Variants in SLC18A1 observed in about 807,000 individuals in gnomAD.
SLC18A1 encodes the protein chromaffin granule amine transporter.
SLC18A1 carries 69 observed loss-of-function variants against 53.7 expected under a neutral mutation model. The ratio of observed to expected loss-of-function variants is 1.28; its 90% CI spans 1.06 to 1.57. The LOEUF (loss-of-function observed/expected upper bound fraction) is 1.57. Among genes scored for constraint, SLC18A1 ranks in the 40% most tolerant of loss-of-function variants. The pLI is 0.00. For synonymous variants in SLC18A1, 320 were observed against 248.1 expected (o/e 1.29, Z -2.72); for missense variants, 932 against 668.1 (o/e 1.40, Z -4.35).
At chr8:20,158,447 G>A (rs2071735678) in intron 10 of SLC18A1, among the ~76,000 whole-genome samples, 2 of 152,138 alleles carry the variant, frequency 1.3e-5, no homozygotes, top group African/African-American at 4.8e-5. Context: ...CCCTGCTTGA[G>A]GAGGGAATTA....
At chr8:20,155,091 C>G (rs1176877298) in intron 10 of SLC18A1, among the ~76,000 whole-genome samples, 1 of 152,128 alleles carries the variant, frequency 6.6e-6, no homozygotes, top group Non-Finnish European at 1.5e-5. Context: ...CACCACATGG[C>G]CCAAGGTTCC....
rs1451304537 is a variant in SLC18A1, at chr8:20,147,665, G to T, written c.1268C>A (p.Thr423Asn). 3 of 1,614,018 alleles carry T rather than the reference G, an allele frequency of 1.9e-6. No individual in the cohort carries two copies. Among genetic ancestry groups the T allele is most frequent in the Admixed American group, 3.3e-5 (2 of 60,002 alleles). ...IMGHLVDLRHTSVYGSVYAIA... is the reference protein window; with the variant it reads ...IMGHLVDLRHNSVYGSVYAIA... ...GGCGTAGACACTCCCATACACCGAG[G>T]TGTGGCGTAGATCCACCAGGTGCCC... Residue 423 changes from threonine (T) to asparagine (N), a missense_variant, in exon 14 of 16, where the codon ACC becomes AAC. Transcript: ENST00000276373.
At chr8:20,160,760 C>T (rs1002060649) in intron 10 of SLC18A1, among the ~76,000 whole-genome samples, 2 of 152,110 alleles carry the variant, frequency 1.3e-5, no homozygotes, top group Non-Finnish European at 2.9e-5. Context: ...GTATTTGGAT[C>T]ACAATGCTGG....
rs1459536577 is a variant in SLC18A1 at position 20,171,433 on chromosome 8, G to A, written c.786C>T (p.Ile262=). The A allele has an allele frequency of 3.1e-6, 5 of 1,614,014 alleles. No homozygotes were observed. Among genetic ancestry groups the A allele is most frequent in the African/African-American group, 1.3e-5 (1 of 74,908 alleles). ...CATCCAGTAGTGCCAGGAAGGCCAG[G>A]ATGAGGAAGGGTGCAGACTTCCCAA... ...EFVGKSAPFL[I]LAFLALLDGA... The change falls in exon 7 of 16, where the codon ATC becomes ATT. Residue 262 remains isoleucine (I), a synonymous_variant. Transcript: ENST00000276373.
intron 10 of SLC18A1, among the ~76,000 whole-genome samples, chr8:20,155,036 C>T (rs1275164760): frequency 1.3e-5 from 2 of 152,168 alleles, no homozygotes; most frequent in African/African-American, 4.8e-5. Context: ...CTGCATTCCA[C>T]GGTTCTCTTC....
chr8:20,158,797 C>G (rs113263278), intron 10 of SLC18A1, among the ~76,000 whole-genome samples: 50,783 of 151,992 alleles, frequency 0.33, 10,355 homozygotes, highest in Non-Finnish European at 0.45. Flanking sequence ...CCAGAGGAAG[C>G]AGAGTGACTC....
At chr8:20,166,539 G>T (rs376551459) in intron 8 of SLC18A1, among the ~76,000 whole-genome samples, 122 of 151,594 alleles carry the variant, frequency 8.0e-4, no homozygotes, top group South Asian at 3.8e-3. Flanking sequence ...AAACCAGAAG[G>T]CATTAAAATT....
chr8:20,174,768 T>C (rs1486938632), intron 4 of SLC18A1, among the ~76,000 whole-genome samples: 1 of 152,156 alleles, frequency 6.6e-6, no homozygotes, highest in Non-Finnish European at 1.5e-5. Context: ...AAGCTCAGTG[T>C]CCTAGGCTGG....
chr8:20,178,521 T>A, intron 3 of SLC18A1, 28 bp from the exon 4 acceptor site: 2 of 1,548,368 alleles, frequency 1.3e-6, no homozygotes, highest in Non-Finnish European at 1.8e-6. Context: ...AAAAAAAAGA[T>A]ACAATTCCAA....
chr8:20,181,008 G>A lies in SLC18A1; in HGVS notation c.-44C>T, dbSNP rs1208901132. 3.9e-6 allele frequency: 6 copies of A among 1,544,290 alleles called. No homozygotes were observed. Among genetic ancestry groups the A allele is most frequent in the Non-Finnish European group, 4.4e-6 (5 of 1,142,804 alleles). ...GCAGTCTTCCCCTGCGGGCTCTTAG[G>A]GAAGGTCCTGTGACAGCTACAGGTC... On this transcript the variant is annotated 5_prime_UTR_variant, in exon 2 of 16. Transcript: ENST00000276373.
At position 20,173,080 on chromosome 8, in the gene SLC18A1, C is replaced by T. The variant is rs760416150; in HGVS notation, c.680G>A (p.Arg227Gln). The T allele has an allele frequency of 1.7e-5, 27 of 1,585,294 alleles. No homozygotes were observed. The highest frequency in any genetic ancestry group is 1.9e-5 in the Non-Finnish European group (22 of 1,166,622). Residue 227 changes from arginine (R) to glutamine (Q), a missense_variant, in exon 6 of 16, where the codon CGA (arginine) becomes CAA (glutamine). Transcript: ENST00000276373. ...SVYTDDHERG[R>Q]AMGTALGGLA... Reference sequence around the variant, plus strand: ...GCCCCCCAGAGCAGTTCCCATGGCTCGTCCTCTCTCATGGTCATCAGTGTA... The same window carrying T: ...GCCCCCCAGAGCAGTTCCCATGGCTTGTCCTCTCTCATGGTCATCAGTGTA...
intron 8 of SLC18A1, among the ~76,000 whole-genome samples, chr8:20,170,762 C>CATAT (rs36178996): frequency 1.7e-4 from 26 of 149,076 alleles, no homozygotes; most frequent in African/African-American, 6.1e-4. Flanking sequence ...TGTGTGTGCA[C>CATAT]ATATATATAT....
chr8:20,162,318 C>G (rs1296730724), intron 10 of SLC18A1, among the ~76,000 whole-genome samples: 1 of 152,206 alleles, frequency 6.6e-6, no homozygotes, highest in Non-Finnish European at 1.5e-5. Context: ...TGGTGCCTGG[C>G]TCACTTTTAT....
At chr8:20,181,350 T>C (rs2072424419) in intron 1 of SLC18A1, among the ~76,000 whole-genome samples, 1 of 152,206 alleles carries the variant, frequency 6.6e-6, no homozygotes, top group East Asian at 1.9e-4. Flanking sequence ...TTTTCAAACA[T>C]CCGACATTTA....
intron 10 of SLC18A1, among the ~76,000 whole-genome samples, chr8:20,160,997 G>C (rs1279285730): frequency 6.6e-6 from 1 of 152,126 alleles, no homozygotes; most frequent in South Asian, 2.1e-4. Context: ...ACCTACTAAA[G>C]GTTCCACTTC....
Position 20,174,487 on chromosome 8 carries a change from C to G in SLC18A1, c.548-43G>C, listed in dbSNP as rs17222113. On this transcript the variant is annotated intron_variant, in intron 4 of 15. Coordinates refer to ENST00000276373, the MANE Select transcript of SLC18A1 (RefSeq NM_003053.4). ...CAAGATAACTGCAGTTAGCAAATTGCCTTTGCTTCCCCAGCCGCCAGAGAA... is the reference window on the plus strand; with the variant it reads ...CAAGATAACTGCAGTTAGCAAATTGGCTTTGCTTCCCCAGCCGCCAGAGAA... The G allele has an allele frequency of 3.1e-4, 417 of 1,361,288 alleles. 2 individuals carry two copies. In the East Asian group the frequency reaches 6.7e-3, roughly 22 times the overall value. 84.3% of individuals were successfully genotyped at this position (1,361,288 alleles called of 1,614,324 possible). A position where few individuals can be genotyped will look rare whatever the true frequency, so the allele number is the denominator to read the frequency against.
chr8:20,156,770 C>G (rs2071692416), intron 10 of SLC18A1, among the ~76,000 whole-genome samples: 1 of 152,204 alleles, frequency 6.6e-6, no homozygotes, highest in Non-Finnish European at 1.5e-5. Flanking sequence ...TGTATTCCTA[C>G]AAAGGAAAAG....
intron 5 of SLC18A1, among the ~76,000 whole-genome samples, chr8:20,173,895 C>CT (rs72376505): frequency 0.06 from 8,184 of 135,460 alleles, 328 homozygotes; most frequent in African/African-American, 0.11. Flanking sequence ...TAATTCCTTT[C>CT]TTTTTTTTTT....
intron 10 of SLC18A1, among the ~76,000 whole-genome samples, chr8:20,151,587 A>G (rs1323829300): frequency 1.3e-5 from 2 of 152,188 alleles, no homozygotes; most frequent in Non-Finnish European, 2.9e-5. Context: ...ACCGGGTTAC[A>G]ATGTGGAGCA....
Sources: allele counts gnomAD v4.1 joint callset (sites outside exome capture counted in the v4.1 genomes callset), GRCh38; gene constraint gnomAD v4.1.1; transcripts MANE v1.5; gene names NCBI Gene and HGNC (gene_info 2026-07-23, HGNC 2026-07-21).